Variants in SIRT1 observed in about 807,000 individuals in gnomAD.
SIRT1 encodes NAD-dependent protein deacetylase sirtuin-1.
Under a neutral mutation model 67.9 loss-of-function variants are expected in SIRT1, and 24 were observed. The ratio of observed to expected loss-of-function variants is 0.35; its 90% CI spans 0.26 to 0.50. The LOEUF (loss-of-function observed/expected upper bound fraction) is 0.50. Among genes scored for constraint, SIRT1 ranks in the 20% least tolerant of loss-of-function variants. SIRT1 has a pLI of 0.98. For missense variants in SIRT1, 873 were observed against 937.2 expected (o/e 0.93, Z 0.89); for synonymous variants, 378 against 350.7 (o/e 1.08, Z -0.87).
Position 67,912,490 on chromosome 10 carries a change from A to G in SIRT1, c.1374A>G (p.Glu458=). 1 of 1,608,674 alleles carries G rather than the reference A, an allele frequency of 6.2e-7. No homozygotes were observed. The highest frequency in any genetic ancestry group is 1.3e-5 in the African/African-American group (1 of 74,618). The change falls in exon 8 of 9, where the codon GAA becomes GAG. Residue 458 remains glutamate, a synonymous_variant. Coordinates refer to ENST00000212015, the MANE Select transcript of SIRT1 (RefSeq NM_012238.5). Reference sequence around the variant, plus strand: ...CTATTTTAGGTTCCATACCCCATGAAGTGCCTCAGATATTAATTAATAGAG... The same window carrying G: ...CTATTTTAGGTTCCATACCCCATGAGGTGCCTCAGATATTAATTAATAGAG... ...VALIPSSIPH[E]VPQILINREP...
At chr10:67,912,084 C>G (rs1388534363) in intron 7 of SIRT1, among the ~76,000 whole-genome samples, 2 of 152,098 alleles carry the variant, frequency 1.3e-5, no homozygotes, top group Non-Finnish European at 2.9e-5. Context: ...ATATCAGGAG[C>G]TACTTAAGTA....
Position 67,916,329 on chromosome 10 carries a change from C to T in SIRT1, c.1980C>T (p.Asp660=). The change falls in exon 9 of 9, where the codon GAC becomes GAT. Residue 660 remains aspartate (D), a synonymous_variant. Coordinates refer to ENST00000212015, the MANE Select transcript of SIRT1 (RefSeq NM_012238.5). ...TCCATGGCGCTGAGGTATATTCAGA[C>T]TCTGAAGATGACGTCTTATCCTCTA... ...YIFHGAEVYS[D]SEDDVLSSSS... is the part of the protein sequence containing the mutation. The T allele has an allele frequency of 6.2e-7, 1 of 1,613,890 alleles. No homozygotes were observed. The highest frequency in any genetic ancestry group is 8.5e-7 in the Non-Finnish European group (1 of 1,179,772).
intron 1 of SIRT1, chr10:67,885,378 T>G: frequency 8.1e-7 from 1 of 1,231,198 alleles, no homozygotes; most frequent in African/African-American, 1.6e-5. Flanking sequence ...CTGGGCGGCC[T>G]TGTTCTTTCC....
chr10:67,891,658 A>C (rs1399815754), intron 4 of SIRT1, 104 bp downstream of exon 4: 2 of 1,147,150 alleles, frequency 1.7e-6, no homozygotes, highest in African/African-American at 3.1e-5. Context: ...TAGTAAAGTG[A>C]ATGCTGCTAC....
intron 1 of SIRT1, 57 bp downstream of exon 1, chr10:67,885,208 C>T (rs1202427244): frequency 1.1e-5 from 14 of 1,284,754 alleles, no homozygotes; most frequent in African/African-American, 3.1e-5. Context: ...TCCCCGGGCT[C>T]CTACTGGCCT....
intron 7 of SIRT1, among the ~76,000 whole-genome samples, chr10:67,911,856 G>A (rs1248042961): frequency 6.0e-5 from 8 of 132,416 alleles, no homozygotes; most frequent in African/African-American, 2.3e-4. Context: ...TCGGCTCACT[G>A]CAGTCTCCCG....
chr10:67,904,293 A>AATTTTTGTG (rs1362533595), intron 4 of SIRT1, among the ~76,000 whole-genome samples: 2 of 151,182 alleles, frequency 1.3e-5, no homozygotes, highest in African/African-American at 2.4e-5. Context: ...AGGCCCAGCT[A>AATTTTTGTG]ATTTTTGTGA....
chr10:67,897,375 G>A (rs1208426685), intron 4 of SIRT1, among the ~76,000 whole-genome samples: 1 of 144,830 alleles, frequency 6.9e-6, no homozygotes, highest in Admixed American at 7.0e-5. Flanking sequence ...TGCAACCTCC[G>A]CCTCCCAGGT....
At chr10:67,896,166 C>A (rs1182649824) in intron 4 of SIRT1, among the ~76,000 whole-genome samples, 1 of 152,072 alleles carries the variant, frequency 6.6e-6, no homozygotes, top group Non-Finnish European at 1.5e-5. Context: ...CTTTTTGTTT[C>A]TGAGATAGTT....
chr10:67,884,697 G>A lies in SIRT1; in HGVS notation c.-25G>A. The A allele has an allele frequency of 1.6e-6, 2 of 1,228,306 alleles. No homozygotes were observed. The highest frequency in any genetic ancestry group is 2.0e-6 in the Non-Finnish European group (2 of 985,834). The allele number at this position is 1,228,306 out of a possible 1,614,324, so 76.1% of individuals were successfully genotyped here. On this transcript the variant is annotated 5_prime_UTR_variant, in exon 1 of 9. Transcript: ENST00000212015. ...GAGCGGGAGCAGAGGAGGCGAGGGAGGAGGGCCAGAGAGGCAGTTGGAAGA... is the reference window on the plus strand; with the variant it reads ...GAGCGGGAGCAGAGGAGGCGAGGGAAGAGGGCCAGAGAGGCAGTTGGAAGA...
At chr10:67,891,014 T>A (rs1490692429) in intron 3 of SIRT1, among the ~76,000 whole-genome samples, 3 of 139,238 alleles carry the variant, frequency 2.2e-5, no homozygotes, top group Non-Finnish European at 4.5e-5. Flanking sequence ...TGGGCGACAG[T>A]GTGAGACTCT....
At chr10:67,888,851 T>C (rs1433561116) in intron 2 of SIRT1, 31 bp from the exon 3 acceptor site, 3 of 1,561,464 alleles carry the variant, frequency 1.9e-6, no homozygotes, top group Non-Finnish European at 2.6e-6. Flanking sequence ...ACTTGATAAG[T>C]TGACTTTAAG....
chr10:67,908,581 A>G (rs1353646448), intron 6 of SIRT1, among the ~76,000 whole-genome samples: 1 of 152,210 alleles, frequency 6.6e-6, no homozygotes. Flanking sequence ...TAATCATGTC[A>G]TTACGAAAGA....
chr10:67,908,221 G>A, intron 6 of SIRT1, 96 bp downstream of exon 6: 1 of 946,732 alleles, frequency 1.1e-6, no homozygotes, highest in South Asian at 1.7e-5. Flanking sequence ...AGTATATATG[G>A]TACAGAAAGA....
intron 4 of SIRT1, among the ~76,000 whole-genome samples, chr10:67,903,041 C>T (rs975270058): frequency 3.9e-5 from 6 of 151,982 alleles, no homozygotes; most frequent in South Asian, 4.1e-4. Context: ...TGCAGTGAGC[C>T]GAGATTGTGC....
In SIRT1 at chr10:67,916,509, T is replaced by G; in HGVS notation, c.2160T>G (p.Asp720Glu). 1 of 1,614,156 alleles carries G rather than the reference T, an allele frequency of 6.2e-7. No homozygotes were observed. Among genetic ancestry groups the G allele is most frequent in the Non-Finnish European group, 8.5e-7 (1 of 1,180,022 alleles). Reference protein sequence around the residue: ...ERAGGAGFGTDGDDQEAINEA... With the variant: ...ERAGGAGFGTEGDDQEAINEA... The stretch of plus-strand genomic sequence containing the variant: ...CTGGAGGAGCTGGATTTGGGACTGA[T>G]GGAGATGATCAAGAGGCAATTAATG... The change falls in exon 9 of 9, where the codon GAT (aspartate) becomes GAG (glutamate). Residue 720 changes from aspartate to glutamate, a missense_variant. Asp to Glu is a conservative substitution (Grantham distance 45). This residue lies in a region of SIRT1 where 295 missense variants were observed against 294.5 expected (regional missense o/e 1.00). Transcript: ENST00000212015.
intron 1 of SIRT1, among the ~76,000 whole-genome samples, chr10:67,886,723 A>G (rs1842487877): frequency 6.6e-6 from 1 of 152,120 alleles, no homozygotes; most frequent in Non-Finnish European, 1.5e-5. Flanking sequence ...TACTTGTAGT[A>G]TTGTGTAAGT....
intron 5 of SIRT1, among the ~76,000 whole-genome samples, 164 bp downstream of exon 5, chr10:67,907,101 CAG>C (rs1329441228): frequency 6.6e-6 from 1 of 151,816 alleles, no homozygotes; most frequent in African/African-American, 2.4e-5. Context: ...ATAATAAAAA[CAG>C]AAGTATTGGC....
At chr10:67,885,191 C>G in intron 1 of SIRT1, 40 bp downstream of exon 1, 1 of 1,306,266 alleles carries the variant, frequency 7.7e-7, no homozygotes, top group Non-Finnish European at 9.8e-7. Flanking sequence ...GCATCTCCTC[C>G]TCCCTCTCCC....
Sources: gnomAD v4.1 joint callset for allele counts (sites outside exome capture counted in the v4.1 genomes callset) on GRCh38, gnomAD v4.1.1 for gene constraint, gnomAD v4.1.1 regional missense constraint, MANE v1.5 for transcripts, NCBI Gene and HGNC (gene_info 2026-07-23, HGNC 2026-07-21) for gene names.